Variants in SLC25A21 observed in about 807,000 individuals in gnomAD.
SLC25A21 encodes mitochondrial 2-oxodicarboxylate carrier.
Under a neutral mutation model 43.8 loss-of-function variants are expected in SLC25A21, and 47 were observed. The ratio of observed to expected loss-of-function variants is 1.07; its 90% CI spans 0.85 to 1.37. The LOEUF is 1.37. SLC25A21 is among the 40% of genes most tolerant of loss of function. The pLI is 0.00. For missense variants in SLC25A21, 352 were observed against 350.2 expected (o/e 1.00, Z -0.04); for synonymous variants, 131 against 121.3 (o/e 1.08, Z -0.52).
intron 1 of SLC25A21, among the ~76,000 whole-genome samples, chr14:36,967,126 A>C (rs376655573): frequency 3.9e-5 from 6 of 152,248 alleles, no homozygotes; most frequent in African/African-American, 1.4e-4. Context: ...AAATCACAAG[A>C]TTTATGGGTT....
intron 1 of SLC25A21, among the ~76,000 whole-genome samples, chr14:36,901,814 A>G (rs989935096): frequency 6.6e-6 from 1 of 152,202 alleles, no homozygotes; most frequent in Non-Finnish European, 1.5e-5. Flanking sequence ...AATTTAAATA[A>G]CAGTAAACTA....
chr14:37,064,511 T>C (rs1160107346), intron 1 of SLC25A21, among the ~76,000 whole-genome samples: 1 of 152,124 alleles, frequency 6.6e-6, no homozygotes, highest in African/African-American at 2.4e-5. Context: ...TGGAGTTGGT[T>C]CAACTCTGTA....
Position 37,113,308 on chromosome 14 carries a change from T to C in SLC25A21, c.70+58973A>G, listed in dbSNP as rs77783385. ...TTTGCTTAGCAGGATGGATTTGGCA[T>C]GGAATTGATTAAATAGGAAATATTT... On this transcript the variant is annotated intron_variant, in intron 1 of 9. Transcript: ENST00000331299. 2.0e-5 allele frequency among the ~76,000 whole-genome samples: 3 copies of C among 152,284 alleles called. No individual in the cohort carries two copies. The East Asian group carries it at 5.8e-4, about 29-fold the overall frequency.
intron 1 of SLC25A21, among the ~76,000 whole-genome samples, chr14:36,884,914 T>C (rs752740584): frequency 1.3e-5 from 2 of 152,122 alleles, no homozygotes; most frequent in African/African-American, 4.8e-5. Flanking sequence ...TCCGAACCCA[T>C]GGGTTGTCTA....
chr14:37,019,515 G>C (rs1044848710), intron 1 of SLC25A21, among the ~76,000 whole-genome samples: 2 of 151,720 alleles, frequency 1.3e-5, no homozygotes, highest in Non-Finnish European at 2.9e-5. Context: ...AATAATAAAG[G>C]CATTGGTAGT....
intron 1 of SLC25A21, among the ~76,000 whole-genome samples, chr14:36,876,441 T>C (rs1353679997): frequency 6.6e-6 from 1 of 152,144 alleles, no homozygotes; most frequent in African/African-American, 2.4e-5. Flanking sequence ...AGCACCCAGT[T>C]GGAGTCTCAT....
At chr14:36,731,141 T>A (rs1485760015) in intron 4 of SLC25A21, among the ~76,000 whole-genome samples, 1 of 151,978 alleles carries the variant, frequency 6.6e-6, no homozygotes, top group East Asian at 1.9e-4. Flanking sequence ...CCCGGCTAAT[T>A]TTTTTGTATT....
chr14:36,936,290 G>A (rs1892422025), intron 1 of SLC25A21, among the ~76,000 whole-genome samples: 1 of 152,116 alleles, frequency 6.6e-6, no homozygotes, highest in South Asian at 2.1e-4. Context: ...TATCTCATTA[G>A]GATTTGTGAA....
At chr14:36,885,977 G>A (rs2138575128) in intron 1 of SLC25A21, among the ~76,000 whole-genome samples, 1 of 152,218 alleles carries the variant, frequency 6.6e-6, no homozygotes, top group East Asian at 1.9e-4. Flanking sequence ...AACTGATTTT[G>A]TGTAATATTC....
At chr14:37,163,720 TA>T (rs1963987342) in intron 1 of SLC25A21, among the ~76,000 whole-genome samples, 1 of 152,116 alleles carries the variant, frequency 6.6e-6, no homozygotes, top group South Asian at 2.1e-4. Context: ...AAAAGTGGGT[TA>T]AAGTGTATAA....
chr14:36,887,929 A>C (rs1394983980), intron 1 of SLC25A21, among the ~76,000 whole-genome samples: 5 of 151,962 alleles, frequency 3.3e-5, no homozygotes, highest in Non-Finnish European at 7.4e-5. Flanking sequence ...CACCCTGCCC[A>C]CCCCTCCAGA....
chr14:37,034,888 G>A (rs918483503), intron 1 of SLC25A21, among the ~76,000 whole-genome samples: 14 of 152,302 alleles, frequency 9.2e-5, no homozygotes, highest in African/African-American at 2.9e-4. Flanking sequence ...GGGCCTAACC[G>A]TATTGCTGAA....
rs1390919968 is a variant in SLC25A21, at chr14:36,709,528, AG to A, written c.603+1789del. On this transcript the variant is annotated intron_variant, in intron 7 of 9. Coordinates refer to ENST00000331299, the MANE Select transcript of SLC25A21 (RefSeq NM_030631.4). ...CCTGGAGTCAGAATTGTCAGTCACTAGGGGGGTCTATATACACTGTGGCCAA... is the reference window on the plus strand; with the variant it reads ...CCTGGAGTCAGAATTGTCAGTCACTAGGGGGTCTATATACACTGTGGCCAA... 2.0e-5 allele frequency among the ~76,000 whole-genome samples: 3 copies of A among 152,306 alleles called. No homozygotes were observed. The South Asian group carries it at 6.2e-4, about 32-fold the overall frequency.
chr14:36,767,964 G>A (rs991616181), intron 3 of SLC25A21, among the ~76,000 whole-genome samples: 3 of 152,180 alleles, frequency 2.0e-5, no homozygotes, highest in Non-Finnish European at 4.4e-5. Context: ...GCTGTGATTA[G>A]GCTGTTGTAA....
rs151249683 is a variant in SLC25A21, at chr14:37,094,017, T to C, written c.70+78264A>G. 5.7e-4 allele frequency among the ~76,000 whole-genome samples: 87 copies of C among 152,308 alleles called. No homozygotes were observed. In the East Asian group the frequency reaches 0.016, roughly 29 times the overall value. ...ATTTTAGCCCATTCCTCAGAGCATATAGCAAATAGCATAAATGGGTCATGT... is the reference window on the plus strand; with the variant it reads ...ATTTTAGCCCATTCCTCAGAGCATACAGCAAATAGCATAAATGGGTCATGT... On this transcript the variant is annotated intron_variant, in intron 1 of 9. Transcript: ENST00000331299.
chr14:36,735,334 T>C (rs1226802048), intron 3 of SLC25A21, among the ~76,000 whole-genome samples: 1 of 152,258 alleles, frequency 6.6e-6, no homozygotes, highest in Non-Finnish European at 1.5e-5. Context: ...ATTATATTTT[T>C]AGAATTCAAA....
intron 1 of SLC25A21, among the ~76,000 whole-genome samples, chr14:36,903,127 A>G (rs1478013039): frequency 5.9e-5 from 9 of 152,228 alleles, no homozygotes; most frequent in Non-Finnish European, 1.3e-4. Context: ...ACTATAAATC[A>G]TCACTGCACA....
intron 1 of SLC25A21, among the ~76,000 whole-genome samples, chr14:37,099,099 A>C (rs1962766823): frequency 6.6e-6 from 1 of 152,072 alleles, no homozygotes; most frequent in South Asian, 2.1e-4. Flanking sequence ...CACCATGCCC[A>C]GCCGGACTTA....
intron 3 of SLC25A21, among the ~76,000 whole-genome samples, chr14:36,767,239 G>A (rs1318247182): frequency 6.6e-6 from 1 of 152,160 alleles, no homozygotes; most frequent in African/African-American, 2.4e-5. Context: ...CATATAAAAA[G>A]TGCTCAAAAA....
Sources: gnomAD v4.1 joint callset for allele counts (sites outside exome capture counted in the v4.1 genomes callset) on GRCh38, gnomAD v4.1.1 for gene constraint, MANE v1.5 for transcripts, NCBI Gene and HGNC (gene_info 2026-07-23, HGNC 2026-07-21) for gene names.